DOCK3: variants seen among roughly 807,000 people sequenced by gnomAD.
The protein encoded by DOCK3 is dedicator of cytokinesis protein 3.
Under a neutral mutation model 265.6 loss-of-function variants are expected in DOCK3, and 60 were observed. That is an observed-to-expected ratio of 0.23 (90% CI 0.18 to 0.28). DOCK3 has a LOEUF of 0.28. Ranked by LOEUF, DOCK3 falls within the 10% of genes least tolerant of loss-of-function variation. DOCK3 has a pLI of 1.00. For synonymous variants in DOCK3, 881 were observed against 938.0 expected (o/e 0.94, Z 1.11); for missense variants, 1,981 against 2,594.3 (o/e 0.76, Z 5.14).
At chr3:50,899,611 G>C (rs2049073150) in intron 4 of DOCK3, among the ~76,000 whole-genome samples, 1 of 152,158 alleles carries the variant, frequency 6.6e-6, no homozygotes, top group Admixed American at 6.5e-5. Context: ...GCAGTGGGTG[G>C]TACCAGTTTT....
chr3:51,330,019 T>C, intron 32 of DOCK3, 119 bp from the exon 33 acceptor site: 4 of 992,168 alleles, frequency 4.0e-6, no homozygotes, highest in East Asian at 2.7e-5. Context: ...TGGGATTTCT[T>C]TGGAGCAAGG....
intron 12 of DOCK3, among the ~76,000 whole-genome samples, chr3:51,207,171 G>GAT (rs1560210593): frequency 6.6e-6 from 1 of 152,064 alleles, no homozygotes; most frequent in African/African-American, 2.4e-5. Context: ...ATACGTAAGG[G>GAT]GTATGCAAGG....
chr3:51,263,399 T>G (rs941090320), intron 23 of DOCK3, among the ~76,000 whole-genome samples: 5 of 152,138 alleles, frequency 3.3e-5, no homozygotes, highest in African/African-American at 1.2e-4. Flanking sequence ...CAGGCCTGCC[T>G]TACAAGAGCT....
intron 1 of DOCK3, among the ~76,000 whole-genome samples, chr3:50,719,045 A>G (rs1390456746): frequency 2.0e-5 from 3 of 151,632 alleles, no homozygotes; most frequent in South Asian, 4.2e-4. Flanking sequence ...CAGCCTCCCA[A>G]AGTGCTGGGA....
chr3:50,711,476 A>T (rs759001036), intron 1 of DOCK3, among the ~76,000 whole-genome samples: 6 of 152,032 alleles, frequency 3.9e-5, no homozygotes, highest in Non-Finnish European at 7.4e-5. Context: ...GTTAGCCAGG[A>T]TGGTCTCGAT....
chr3:50,802,651 G>T (rs1388564280), intron 2 of DOCK3, among the ~76,000 whole-genome samples: 1 of 152,030 alleles, frequency 6.6e-6, no homozygotes, highest in Non-Finnish European at 1.5e-5. Flanking sequence ...TGTTAGTCTA[G>T]TGGAGTTTCC....
At chr3:50,745,528 C>T (rs2039369604) in intron 1 of DOCK3, among the ~76,000 whole-genome samples, 1 of 152,166 alleles carries the variant, frequency 6.6e-6, no homozygotes. Flanking sequence ...GTTTTATTCT[C>T]TTTCATGTTG....
chr3:50,820,497 G>A (rs1011305222), intron 2 of DOCK3, among the ~76,000 whole-genome samples: 1 of 152,216 alleles, frequency 6.6e-6, no homozygotes, highest in Admixed American at 6.5e-5. Flanking sequence ...TACAAAGGAC[G>A]TGATTTCATT....
chr3:51,202,645 G>A (rs1353221078), intron 12 of DOCK3, among the ~76,000 whole-genome samples: 3 of 152,040 alleles, frequency 2.0e-5, no homozygotes, highest in East Asian at 3.9e-4. Flanking sequence ...AGAAAAAGAG[G>A]GAATCCTCCC....
At chr3:51,018,629 A>G (rs908056271) in intron 5 of DOCK3, among the ~76,000 whole-genome samples, 16 of 151,752 alleles carry the variant, frequency 1.1e-4, no homozygotes, top group Admixed American at 3.9e-4. Context: ...TAGACACGCA[A>G]TTCATTTATA....
chr3:50,954,599 C>T (rs1407037059), intron 5 of DOCK3, among the ~76,000 whole-genome samples: 3 of 152,146 alleles, frequency 2.0e-5, no homozygotes, highest in Non-Finnish European at 2.9e-5. Flanking sequence ...GGTAAAAGTT[C>T]GTATGCTTGT....
chr3:51,174,664 T>A (rs2086852359), intron 12 of DOCK3, among the ~76,000 whole-genome samples: 1 of 152,182 alleles, frequency 6.6e-6, no homozygotes, highest in Non-Finnish European at 1.5e-5. Flanking sequence ...CATCGGTTGC[T>A]TTTGGTGGTG....
At chr3:51,089,431 A>T in intron 8 of DOCK3, 147 bp downstream of exon 8, 2 of 939,476 alleles carry the variant, frequency 2.1e-6, no homozygotes. Flanking sequence ...ACCTCTAAAC[A>T]GTTTTGGCCA....
At chr3:50,707,435 T>TA (rs778924258) in intron 1 of DOCK3, among the ~76,000 whole-genome samples, 3,961 of 136,792 alleles carry the variant, frequency 0.029, 170 homozygotes, top group African/African-American at 0.093. Flanking sequence ...AGACTCTGTC[T>TA]AAAAAAAAAA....
intron 8 of DOCK3, among the ~76,000 whole-genome samples, 159 bp downstream of exon 8, chr3:51,089,443 ACT>A (rs1437370589): frequency 6.6e-6 from 1 of 152,086 alleles, no homozygotes; most frequent in Non-Finnish European, 1.5e-5. Context: ...TTTTGGCCAG[ACT>A]CTACTTCTAC....
At chr3:51,241,845 C>T (rs2078625556) in intron 21 of DOCK3, among the ~76,000 whole-genome samples, 1 of 152,160 alleles carries the variant, frequency 6.6e-6, no homozygotes, top group South Asian at 2.1e-4. Context: ...TGATTTTTAG[C>T]TTCCTTGGAT....
At chr3:51,280,346 G>A in intron 27 of DOCK3, 142 bp downstream of exon 27, 1 of 781,936 alleles carries the variant, frequency 1.3e-6, no homozygotes, top group East Asian at 2.7e-5. Flanking sequence ...TTACAGCTGA[G>A]TGTTGGCCTC....
chr3:51,088,043 A>G (rs1182983864), intron 7 of DOCK3, among the ~76,000 whole-genome samples: 1 of 152,240 alleles, frequency 6.6e-6, no homozygotes, highest in East Asian at 1.9e-4. Context: ...TGTGGCATAT[A>G]TGCACAATGG....
intron 5 of DOCK3, among the ~76,000 whole-genome samples, chr3:50,953,056 C>T (rs1465733229): frequency 6.6e-6 from 1 of 152,040 alleles, no homozygotes; most frequent in Non-Finnish European, 1.5e-5. Flanking sequence ...ACTTTCTAAT[C>T]CCTAACTAAA....
Sources: gnomAD v4.1 joint callset for allele counts (sites outside exome capture counted in the v4.1 genomes callset) on GRCh38, gnomAD v4.1.1 for gene constraint, MANE v1.5 for transcripts, NCBI Gene and HGNC (gene_info 2026-07-23, HGNC 2026-07-21) for gene names.